Variants in SERGEF observed in about 807,000 individuals in gnomAD.
SERGEF encodes the protein secretion regulating guanine nucleotide exchange factor, also known as secretion-regulating guanine nucleotide exchange factor.
Under a neutral mutation model 50.0 loss-of-function variants are expected in SERGEF, and 51 were observed. That is an observed-to-expected ratio of 1.02 (90% CI 0.81 to 1.29). The LOEUF (loss-of-function observed/expected upper bound fraction) is 1.29, where lower values mean the gene tolerates loss of function less well. Among genes scored for constraint, SERGEF ranks in the 50% most tolerant of loss-of-function variants. The pLI, the probability that SERGEF is intolerant of heterozygous loss-of-function variation, is 0.00. For missense variants in SERGEF, 521 were observed against 557.0 expected, an observed-to-expected ratio of 0.94 and a Z score of 0.65; for synonymous variants, 205 against 212.4, an observed-to-expected ratio of 0.97 and a Z score of 0.30.
At chr11:17,837,747 G>A (rs187078464) in intron 10 of SERGEF, among the ~76,000 whole-genome samples, 1 of 147,578 alleles carries the variant, frequency 6.8e-6, no homozygotes, top group East Asian at 2.0e-4. Context: ...AGCAACCTCT[G>A]CTTCCCGGGT....
intron 10 of SERGEF, among the ~76,000 whole-genome samples, chr11:17,851,171 TTC>T (rs1013982231): frequency 3.3e-4 from 51 of 152,310 alleles, no homozygotes; most frequent in African/African-American, 1.2e-3. Flanking sequence ...TTTGCATGTA[TTC>T]TTTCACTCCT....
At chr11:17,919,633 T>C (rs996165306) in intron 9 of SERGEF, among the ~76,000 whole-genome samples, 2 of 152,126 alleles carry the variant, frequency 1.3e-5, no homozygotes, top group African/African-American at 2.4e-5. Context: ...GAGGGTATTA[T>C]CTCCCTGAAC....
intron 10 of SERGEF, among the ~76,000 whole-genome samples, chr11:17,806,233 A>G (rs1205621229): frequency 6.6e-6 from 1 of 152,200 alleles, no homozygotes; most frequent in Non-Finnish European, 1.5e-5. Flanking sequence ...TCTAATATCA[A>G]TTCTAGATAA....
At chr11:17,940,272 C>A (rs1420886328) in intron 9 of SERGEF, among the ~76,000 whole-genome samples, 2 of 152,122 alleles carry the variant, frequency 1.3e-5, no homozygotes, top group African/African-American at 4.8e-5. Flanking sequence ...ACATCAATAT[C>A]CCAGGATGCT....
chr11:17,862,299 A>G (rs1303783040), intron 10 of SERGEF, among the ~76,000 whole-genome samples: 1 of 152,240 alleles, frequency 6.6e-6, no homozygotes. Context: ...CAGCTAAACA[A>G]AACAGCCTCA....
intron 9 of SERGEF, among the ~76,000 whole-genome samples, chr11:17,949,021 T>C (rs1465786830): frequency 6.6e-6 from 1 of 152,134 alleles, no homozygotes; most frequent in Non-Finnish European, 1.5e-5. Context: ...GGGAATTATG[T>C]AACCATACAA....
chr11:17,798,606 A>G (rs1459243593), intron 10 of SERGEF, among the ~76,000 whole-genome samples: 1 of 152,198 alleles, frequency 6.6e-6, no homozygotes, highest in African/African-American at 2.4e-5. Flanking sequence ...ATGATGACGG[A>G]TTTAGAACTT....
At chr11:17,824,355 T>C (rs1006844598) in intron 10 of SERGEF, among the ~76,000 whole-genome samples, 1 of 151,974 alleles carries the variant, frequency 6.6e-6, no homozygotes, top group African/African-American at 2.4e-5. Context: ...TGGCTGAATA[T>C]TGCTAGCAGC....
intron 10 of SERGEF, chr11:17,846,706 C>A: frequency 2.2e-6 from 1 of 456,280 alleles, no homozygotes; most frequent in South Asian, 1.5e-5. Flanking sequence ...AATTTCTCTG[C>A]AACTCCATTT....
At chr11:17,946,241 T>TA (rs1852658200) in intron 9 of SERGEF, among the ~76,000 whole-genome samples, 1 of 152,150 alleles carries the variant, frequency 6.6e-6, no homozygotes, top group Admixed American at 6.5e-5. Context: ...GATCAGGGTT[T>TA]TACTAGCAAC....
intron 10 of SERGEF, among the ~76,000 whole-genome samples, chr11:17,804,315 C>T (rs1195423960): frequency 6.6e-6 from 1 of 152,186 alleles, no homozygotes; most frequent in Non-Finnish European, 1.5e-5. Flanking sequence ...ACAGGCAGCA[C>T]TGAAGTTATT....
rs193076655 is a variant in SERGEF, at chr11:17,990,821, C to T, written c.686-2066G>A. Among the ~76,000 whole-genome samples the T allele has an allele frequency of 3.4e-4, 52 of 151,798 alleles. No homozygotes were observed. The East Asian group carries it at 0.01, about 29-fold the overall frequency. On this transcript the variant is annotated intron_variant, in intron 7 of 10. Transcript: ENST00000265965. Reference sequence around the variant, plus strand: ...TTGCTCTGTCACCCAGGCTGGAGTACAGTGGTGTGATCTCGGCTCACTGCA... The same window carrying T: ...TTGCTCTGTCACCCAGGCTGGAGTATAGTGGTGTGATCTCGGCTCACTGCA...
intron 10 of SERGEF, among the ~76,000 whole-genome samples, chr11:17,803,307 C>T (rs1285402301): frequency 6.6e-6 from 1 of 152,218 alleles, no homozygotes; most frequent in African/African-American, 2.4e-5. Context: ...CTAGCCTAGT[C>T]CATCCCAGCC....
chr11:17,801,746 A>G (rs1849673250), intron 10 of SERGEF, among the ~76,000 whole-genome samples: 1 of 152,164 alleles, frequency 6.6e-6, no homozygotes, highest in Non-Finnish European at 1.5e-5. Flanking sequence ...TAAACCTGAG[A>G]CCTGGGAAAC....
At chr11:17,828,626 T>A (rs1850244016) in intron 10 of SERGEF, among the ~76,000 whole-genome samples, 1 of 152,244 alleles carries the variant, frequency 6.6e-6, no homozygotes, top group South Asian at 2.1e-4. Flanking sequence ...GAGTTGTTCA[T>A]AAATCAAGAG....
intron 7 of SERGEF, 40 bp from the exon 8 acceptor site, chr11:17,988,795 A>T: frequency 1.9e-6 from 3 of 1,585,166 alleles, no homozygotes; most frequent in Non-Finnish European, 2.6e-6. Flanking sequence ...GTGAGGGAAC[A>T]TTAGTCCAAA....
intron 9 of SERGEF, among the ~76,000 whole-genome samples, chr11:17,925,857 AC>A (rs1354600741): frequency 3.9e-5 from 6 of 152,340 alleles, no homozygotes; most frequent in Non-Finnish European, 5.9e-5. Context: ...TGTCAGCTGT[AC>A]CATTTACCAG....
intron 10 of SERGEF, among the ~76,000 whole-genome samples, chr11:17,871,245 G>C (rs1235054759): frequency 6.6e-6 from 1 of 152,042 alleles, no homozygotes; most frequent in Non-Finnish European, 1.5e-5. Flanking sequence ...AGCCACACGA[G>C]GTCAGGAGAT....
chr11:17,898,936 T>A lies in SERGEF; in HGVS notation c.1012-20692A>T, dbSNP rs536712276. Among the ~76,000 whole-genome samples, 7 of 152,292 alleles carry A rather than the reference T, an allele frequency of 4.6e-5. No individual in the cohort carries two copies. The South Asian group carries it at 1.5e-3, about 32-fold the overall frequency. ...TCATGAATGATTTAGCACCACCCTC[T>A]CGGTGCTATTCTCATGATAGTGAGT... On this transcript the variant is annotated intron_variant, in intron 9 of 10. Coordinates refer to ENST00000265965, the MANE Select transcript of SERGEF (RefSeq NM_012139.4).
Sources: allele counts gnomAD v4.1 joint callset (sites outside exome capture counted in the v4.1 genomes callset), GRCh38; gene constraint gnomAD v4.1.1; transcripts MANE v1.5; gene names NCBI Gene and HGNC (gene_info 2026-07-23, HGNC 2026-07-21).